Variants in TPSG1 observed in about 807,000 individuals in gnomAD.
TPSG1 encodes the protein tryptase gamma 1.
TPSG1 carries 43 observed loss-of-function variants against 23.8 expected under a neutral mutation model. The observed-to-expected ratio is 1.81, with a 90% confidence interval of 1.42 to 2.33. The LOEUF is 2.33. Ranked by LOEUF, TPSG1 falls within the 30% of genes most tolerant of loss-of-function variation. The pLI, the probability that TPSG1 is intolerant of heterozygous loss-of-function variation, is 0.00. For synonymous variants in TPSG1, 302 were observed against 201.3 expected, an observed-to-expected ratio of 1.50 and a Z score of -4.23; for missense variants, 623 against 438.6, an observed-to-expected ratio of 1.42 and a Z score of -3.75.
rs917315033 is a variant in TPSG1, at chr16:1,223,601, C to T, written c.74-7G>A. The T allele has an allele frequency of 3.6e-5, 56 of 1,536,788 alleles. No homozygotes were observed. Among genetic ancestry groups the T allele is most frequent in the Non-Finnish European group, 4.8e-5 (55 of 1,144,838 alleles). The stretch of plus-strand genomic sequence containing the variant: ...ACCTGCGGCCGGCCACACCCTAAGT[C>T]GAAGGAGGAAGGGGTGCCTGGTGGG... On this transcript the variant is annotated splice_polypyrimidine_tract_variant and splice_region_variant and intron_variant, in intron 2 of 5. Coordinates refer to ENST00000234798, the MANE Select transcript of TPSG1 (RefSeq NM_012467.4).
rs982192876 is a variant in TPSG1, at chr16:1,225,197, G to C, written c.46+10C>G. ...CCCCCCCATCCCCACACCCAGGCCA[G>C]GTCACCCACCGGGCACAGCCAGGAG... On this transcript the variant is annotated intron_variant, in intron 1 of 5. Coordinates refer to ENST00000234798, the MANE Select transcript of TPSG1 (RefSeq NM_012467.4). 1.2e-5 allele frequency: 19 copies of C among 1,572,622 alleles called. No homozygotes were observed. In the African/African-American group the frequency reaches 2.0e-4, roughly 17 times the overall value.
At position 1,221,697 on chromosome 16, in the gene TPSG1, G is replaced by C; in HGVS notation, c.*91C>G. On this transcript the variant is annotated 3_prime_UTR_variant, in exon 6 of 6. Coordinates refer to ENST00000234798, the MANE Select transcript of TPSG1 (RefSeq NM_012467.4). ...TTCAGGTTAAATGTTGCAATAATCTGATGCAGAAGACTCAGCTTCTCAAGG... is the reference window on the plus strand; with the variant it reads ...TTCAGGTTAAATGTTGCAATAATCTCATGCAGAAGACTCAGCTTCTCAAGG... 1 of 1,260,002 alleles carries C rather than the reference G, an allele frequency of 7.9e-7. No individual in the cohort carries two copies. Among genetic ancestry groups the C allele is most frequent in the Non-Finnish European group, 1.1e-6 (1 of 922,236 alleles). The allele number at this position is 1,260,002 out of a possible 1,614,324, so 78.1% of individuals were successfully genotyped here. A position where few individuals can be genotyped will look rare whatever the true frequency, so the allele number is the denominator to read the frequency against.
In TPSG1 at chr16:1,223,582, G is replaced by A. The variant is rs535807832; in HGVS notation, c.86C>T (p.Pro29Leu). The change falls in exon 3 of 6, where the codon CCG becomes CTG. Residue 29 changes from proline (P) to leucine (L), a missense_variant. By Grantham distance (98) the Pro-to-Leu change is moderately conservative. Transcript: ENST00000234798. ...CCGGCCGCCTGCATCCGAAACCTGC[G>A]GCCGGCCACACCCTAAGTCGAAGGA... ...LRTLQPGCGR[P>L]QVSDAGGRIV... The A allele has an allele frequency of 3.9e-4, 607 of 1,541,772 alleles. 1 individual carries two copies. In the Middle Eastern group the frequency reaches 4.2e-3, roughly 11 times the overall value.
At chr16:1,223,941 C>G (rs2030008237) in intron 2 of TPSG1, 1 of 319,040 alleles carries the variant, frequency 3.1e-6, no homozygotes, top group Non-Finnish European at 5.7e-6. Context: ...GGGTGGCTGC[C>G]TAGTGGGCCC....
chr16:1,224,830 A>C (rs1396603250), intron 1 of TPSG1: 1 of 649,954 alleles, frequency 1.5e-6, no homozygotes, highest in Non-Finnish European at 2.7e-6. Context: ...CATAAACGGC[A>C]GCTGGAGGCC....
Position 1,221,827 on chromosome 16 carries a change from G to A in TPSG1, c.927C>T (p.His309=). Residue 309 remains histidine (H), a synonymous_variant, in exon 6 of 6, where the codon CAC becomes CAT. Transcript: ENST00000234798. The stretch of plus-strand genomic sequence containing the variant: ...GGAAGGGAGTACCATCCGCAGATGG[G>A]TGCAGCAGGCACTTGGCCAGCAGGA... The part of the protein sequence containing the change: ...SCVLLAKCLL[H]PSADGTPFPA... 6.2e-7 allele frequency: 1 copy of A among 1,611,574 alleles called. No individual in the cohort carries two copies. Among genetic ancestry groups the A allele is most frequent in the Non-Finnish European group, 8.5e-7 (1 of 1,179,302 alleles).
At chr16:1,222,618 C>T (rs757224838) in intron 4 of TPSG1, 34 bp downstream of exon 4, 7 of 1,520,612 alleles carry the variant, frequency 4.6e-6, no homozygotes, top group African/African-American at 2.8e-5. Flanking sequence ...CCCTTGCCTT[C>T]CTCCATCCCA....
rs746809375 is a variant in TPSG1, at chr16:1,225,229, G to A, written c.24C>T (p.Leu8=). Residue 8 remains leucine, a synonymous_variant, in exon 1 of 6, where the codon CTC becomes CTT. Coordinates refer to ENST00000234798, the MANE Select transcript of TPSG1 (RefSeq NM_012467.4). MALGACG[L]LLLLAVPGVS... is the part of the protein sequence containing the mutation. ...CACCGGGCACAGCCAGGAGCAGCAG[G>A]AGGCCACAGGCCCCAAGGGCCATGG... is the stretch of plus-strand genomic sequence containing the variant. The A allele has an allele frequency of 9.5e-6, 15 of 1,578,562 alleles. No homozygotes were observed. In the South Asian group the frequency reaches 1.3e-4, roughly 13 times the overall value.
At chr16:1,224,878 T>C (rs1339552766) in intron 1 of TPSG1, 10 of 600,352 alleles carry the variant, frequency 1.7e-5, no homozygotes, top group Non-Finnish European at 2.4e-5. Context: ...CTCCCCGCCC[T>C]CCAGGTCCTG....
intron 2 of TPSG1, 101 bp from the exon 3 acceptor site, chr16:1,223,695 G>A (rs1596487423): frequency 2.2e-6 from 3 of 1,377,302 alleles, no homozygotes; most frequent in African/African-American, 3.0e-5. Flanking sequence ...CCTTCTTGGG[G>A]ACTTTGCTCT....
At chr16:1,222,174 T>C (rs1437645739) in intron 5 of TPSG1, 22 bp downstream of exon 5, 1 of 1,611,382 alleles carries the variant, frequency 6.2e-7, no homozygotes, top group African/African-American at 1.3e-5. Flanking sequence ...CCCCATCCTC[T>C]GTCACGGCCT....
intron 4 of TPSG1, 141 bp from the exon 5 acceptor site, chr16:1,222,482 C>A: frequency 7.9e-7 from 1 of 1,260,378 alleles, no homozygotes; most frequent in Non-Finnish European, 1.1e-6. Flanking sequence ...CGTTTGGCTG[C>A]TGCTTTGGAT....
At chr16:1,223,697 C>G in intron 2 of TPSG1, 103 bp from the exon 3 acceptor site, 3 of 1,360,536 alleles carry the variant, frequency 2.2e-6, no homozygotes, top group Middle Eastern at 1.8e-4. Context: ...TTCTTGGGGA[C>G]TTTGCTCTTC....
Position 1,222,267 on chromosome 16 carries a change from A to G in TPSG1, c.586T>C (p.Tyr196His), listed in dbSNP as rs1970533601. The change falls in exon 5 of 6, where the codon TAT becomes CAT. Residue 196 changes from tyrosine (Y) to histidine (H), a missense_variant. Coordinates refer to ENST00000234798, the MANE Select transcript of TPSG1 (RefSeq NM_012467.4). The stretch of plus-strand genomic sequence containing the variant: ...AGGATGCTGCCCCCGGGGCCGGGAT[A>G]GTCCCGGCGGCAGGTCTCTGTGTCC... ...VVDTETCRRD[Y>H]PGPGGSILQP... 2.5e-6 allele frequency: 4 copies of G among 1,611,948 alleles called. No homozygotes were observed. Among genetic ancestry groups the G allele is most frequent in the Non-Finnish European group, 3.4e-6 (4 of 1,179,684 alleles).
rs1484607439 is a variant in TPSG1, at chr16:1,222,813, G to A, written c.350C>T (p.Ser117Leu). Residue 117 changes from serine to leucine, a missense_variant, in exon 4 of 6, where the codon TCA becomes TTA. Transcript: ENST00000234798. ...GTCCCCGCTGGTCCCCGGCTGTCCT[G>A]AGGGGCTGGAGTGCAGGATGATCTG... The part of the protein sequence containing the change: ...VRQIILHSSP[S>L]GQPGTSGDIA... 2 of 1,611,856 alleles carry A rather than the reference G, an allele frequency of 1.2e-6. No individual in the cohort carries two copies. Among genetic ancestry groups the A allele is most frequent in the Non-Finnish European group, 1.7e-6 (2 of 1,179,760 alleles).
rs1467115296 is a variant in TPSG1 at position 1,221,969 on chromosome 16, A to G, written c.785T>C (p.Val262Ala). ...TGTGATGTGGCGGCGGATCCAGTTC[A>G]CGTAGGCAGGGACACGAGTGTAGAC... ...PGVYTRVPAY[V>A]NWIRRHITAS... Residue 262 changes from valine to alanine, a missense_variant, in exon 6 of 6, where the codon GTG (valine) becomes GCG (alanine). By Grantham distance (64) the Val-to-Ala change is moderately conservative. Coordinates refer to ENST00000234798, the MANE Select transcript of TPSG1 (RefSeq NM_012467.4). The G allele has an allele frequency of 6.2e-7, 1 of 1,612,368 alleles. No homozygotes were observed. The highest frequency in any genetic ancestry group is 8.5e-7 in the Non-Finnish European group (1 of 1,179,716).
chr16:1,225,171 GCC>G (rs750740207), intron 1 of TPSG1, 34 bp downstream of exon 1: 9 of 1,553,330 alleles, frequency 5.8e-6, no homozygotes, highest in Non-Finnish European at 7.8e-6. Flanking sequence ...GGAAGCAGAT[GCC>G]CCCCCATCCC....
chr16:1,222,467 T>A, intron 4 of TPSG1, 126 bp from the exon 5 acceptor site: 2 of 1,246,090 alleles, frequency 1.6e-6, no homozygotes, highest in Non-Finnish European at 2.2e-6. Context: ...TGGGTTGTGA[T>A]CTGACGTTTG....
At chr16:1,222,446 G>A (rs1253385980) in intron 4 of TPSG1, 105 bp from the exon 5 acceptor site, 100 of 1,251,826 alleles carry the variant, frequency 8.0e-5, no homozygotes, top group Non-Finnish European at 1.0e-4. Context: ...CACGACCCTC[G>A]TCACGGCACG....
Sources: gnomAD v4.1 joint callset for allele counts on GRCh38, gnomAD v4.1.1 for gene constraint, MANE v1.5 for transcripts, NCBI Gene and HGNC (gene_info 2026-07-23, HGNC 2026-07-21) for gene names.